RARB: variants seen among roughly 807,000 people sequenced by gnomAD.
The protein encoded by RARB is retinoic acid receptor beta, also known as HBV-activated protein.
Under a neutral mutation model 51.9 loss-of-function variants are expected in RARB, and 17 were observed. That is an observed-to-expected ratio of 0.33 (90% confidence interval 0.22 to 0.49). The LOEUF (loss-of-function observed/expected upper bound fraction) is 0.49, where lower values mean the gene tolerates loss of function less well. RARB is among the 20% of genes least tolerant of loss of function. The probability of loss-of-function intolerance (pLI) is 0.99; values close to 1 mark genes in which losing one functional copy is unlikely to be tolerated. For synonymous variants in RARB, 215 were observed against 195.4 expected, an observed-to-expected ratio of 1.10 and a Z score of -0.84; for missense variants, 369 against 550.8, an observed-to-expected ratio of 0.67 and a Z score of 3.30.
intron 2 of RARB, among the ~76,000 whole-genome samples, chr3:24,930,786 A>G (rs1157643565): frequency 6.6e-6 from 1 of 152,082 alleles, no homozygotes; most frequent in Non-Finnish European, 1.5e-5. Context: ...AGACAGAAGG[A>G]TTGCCAGAGG....
intron 5 of RARB, among the ~76,000 whole-genome samples, chr3:25,199,794 C>A (rs1225959342): frequency 6.6e-6 from 1 of 152,140 alleles, no homozygotes; most frequent in African/African-American, 2.4e-5. Flanking sequence ...TTTATGGCTG[C>A]ATAGTATTCC....
At chr3:25,146,593 C>T (rs1237453087) in intron 4 of RARB, among the ~76,000 whole-genome samples, 4 of 150,984 alleles carry the variant, frequency 2.6e-5, no homozygotes, top group African/African-American at 7.3e-5. Flanking sequence ...CTGCAAGCTC[C>T]GCCTCCCGGG....
intron 5 of RARB, among the ~76,000 whole-genome samples, chr3:25,301,208 T>G (rs1396938299): frequency 6.6e-6 from 1 of 152,344 alleles, no homozygotes. Context: ...ACTATGGGTT[T>G]ATCAGGACAT....
chr3:25,268,637 G>T (rs934460258), intron 5 of RARB, among the ~76,000 whole-genome samples: 1 of 152,082 alleles, frequency 6.6e-6, no homozygotes, highest in Non-Finnish European at 1.5e-5. Context: ...TTCCTGGGAG[G>T]CTCCTGCCTC....
chr3:25,078,041 A>G lies in RARB; in HGVS notation c.-328+17865A>G, dbSNP rs1291800735. 2.0e-5 allele frequency among the ~76,000 whole-genome samples: 3 copies of G among 152,174 alleles called. No individual in the cohort carries two copies. In the East Asian group the frequency reaches 5.8e-4, roughly 29 times the overall value. On this transcript the variant is annotated intron_variant, in intron 3 of 11. Transcript: ENST00000383772. ...TTTTGTTTGACTTCTATTGAATTCC[A>G]GAGTTTATACATTCTAGATATAAAT...
chr3:25,459,303 C>T (rs994043345), intron 1 of RARB, among the ~76,000 whole-genome samples: 2 of 152,130 alleles, frequency 1.3e-5, no homozygotes, highest in Non-Finnish European at 2.9e-5. Flanking sequence ...ATCACAATAG[C>T]CTCAGTTGGT....
At chr3:25,048,925 T>G (rs1698271915) in intron 2 of RARB, among the ~76,000 whole-genome samples, 1 of 152,066 alleles carries the variant, frequency 6.6e-6, no homozygotes, top group African/African-American at 2.4e-5. Flanking sequence ...GCTAACTTTT[T>G]GTATTTTTAG....
rs574149567 is a variant in RARB, at chr3:24,874,575, C to G, written c.-380+15823C>G. ...GTGATTCTCTGTATTGCTAGTCATG[C>G]TTATTATCATGAAATCTATTAATAT... On this transcript the variant is annotated intron_variant, in intron 2 of 11. Coordinates refer to the RARB transcript ENST00000383772. 5.9e-5 allele frequency among the ~76,000 whole-genome samples: 9 copies of G among 152,110 alleles called. No individual in the cohort carries two copies. The East Asian group carries it at 1.7e-3, about 29-fold the overall frequency.
chr3:25,566,447 AAAGG>A (rs1308401669), intron 3 of RARB, among the ~76,000 whole-genome samples: 1 of 152,224 alleles, frequency 6.6e-6, no homozygotes, highest in Non-Finnish European at 1.5e-5. Flanking sequence ...AGTGAGCTGC[AAAGG>A]CTGCTCCAAA....
At chr3:25,530,536 G>T (rs1698858419) in intron 3 of RARB, among the ~76,000 whole-genome samples, 1 of 152,204 alleles carries the variant, frequency 6.6e-6, no homozygotes, top group Non-Finnish European at 1.5e-5. Context: ...GAAGCTGCCT[G>T]CATTCTTTGA....
intron 5 of RARB, among the ~76,000 whole-genome samples, chr3:25,383,311 A>C (rs958294376): frequency 2.6e-5 from 4 of 152,344 alleles, no homozygotes; most frequent in African/African-American, 9.6e-5. Context: ...AGCCCACTGC[A>C]CAAGACGGTC....
At chr3:25,183,435 C>G (rs1700908133) in intron 5 of RARB, among the ~76,000 whole-genome samples, 2 of 152,048 alleles carry the variant, frequency 1.3e-5, no homozygotes, top group Admixed American at 6.6e-5. Flanking sequence ...CTTTCTTGAC[C>G]TCAACATGTT....
At chr3:25,260,512 C>T (rs1702972070) in intron 5 of RARB, among the ~76,000 whole-genome samples, 2 of 152,184 alleles carry the variant, frequency 1.3e-5, no homozygotes, top group South Asian at 4.1e-4. Flanking sequence ...CAGGGACCCA[C>T]TGAGTTCTTA....
At chr3:25,334,837 T>C (rs1027395701) in intron 5 of RARB, among the ~76,000 whole-genome samples, 1 of 152,256 alleles carries the variant, frequency 6.6e-6, no homozygotes, top group Non-Finnish European at 1.5e-5. Context: ...TGTATGTATA[T>C]TACTTTCACA....
intron 2 of RARB, among the ~76,000 whole-genome samples, chr3:25,022,898 T>G (rs1697668237): frequency 6.6e-6 from 1 of 152,136 alleles, no homozygotes; most frequent in Admixed American, 6.5e-5. Flanking sequence ...AGTGGCCTGA[T>G]AGTGCAGAAC....
chr3:25,209,110 T>C (rs1299320197), intron 5 of RARB, among the ~76,000 whole-genome samples: 1 of 152,188 alleles, frequency 6.6e-6, no homozygotes, highest in African/African-American at 2.4e-5. Context: ...CACTAATATA[T>C]GTGAGTCCAC....
intron 5 of RARB, among the ~76,000 whole-genome samples, chr3:25,264,537 C>A (rs760648029): frequency 1.3e-5 from 2 of 151,980 alleles, no homozygotes; most frequent in African/African-American, 2.4e-5. Flanking sequence ...TTAATTACTT[C>A]GAAGCCAAAA....
At chr3:25,587,359 G>A (rs1299913972) in intron 5 of RARB, among the ~76,000 whole-genome samples, 1 of 151,692 alleles carries the variant, frequency 6.6e-6, no homozygotes, top group Non-Finnish European at 1.5e-5. Flanking sequence ...TGCCTGGTGT[G>A]AAGTGTGTAT....
At chr3:25,124,051 C>T (rs1014267139) in intron 3 of RARB, among the ~76,000 whole-genome samples, 3 of 152,078 alleles carry the variant, frequency 2.0e-5, no homozygotes, top group African/African-American at 7.2e-5. Flanking sequence ...AGTACTCACC[C>T]GGGGAGGGAG....
Sources: gnomAD v4.1 joint callset for allele counts (sites outside exome capture counted in the v4.1 genomes callset) on GRCh38, gnomAD v4.1.1 for gene constraint, MANE v1.5 for transcripts, NCBI Gene and HGNC (gene_info 2026-07-23, HGNC 2026-07-21) for gene names.